INPP5D: variants seen among roughly 807,000 people sequenced by gnomAD.
INPP5D encodes the protein phosphatidylinositol 3,4,5-trisphosphate 5-phosphatase 1.
In INPP5D, 33 loss-of-function variants were observed where a neutral mutation model predicts 122.9. The observed-to-expected ratio is 0.27, with a 90% CI of 0.20 to 0.36. INPP5D has a LOEUF of 0.36. Ranked by LOEUF, INPP5D falls within the 10% of genes least tolerant of loss-of-function variation. The pLI is 1.00. For synonymous variants in INPP5D, 584 were observed against 576.2 expected, an observed-to-expected ratio of 1.01 and a Z score of -0.19; for missense variants, 1,053 against 1,412.7, an observed-to-expected ratio of 0.75 and a Z score of 4.08.
intron 3 of INPP5D, 90 bp downstream of exon 3, chr2:233,122,347 T>C (rs1693013119): frequency 7.4e-7 from 1 of 1,355,500 alleles, no homozygotes; most frequent in Non-Finnish European, 1.0e-6. Context: ...TGAGTCCTAT[T>C]ATCAGAGGGA....
rs138302380 is a variant in INPP5D, at chr2:233,063,384, C to T, written c.134+2772C>T. Among the ~76,000 whole-genome samples the T allele has an allele frequency of 8.0e-3, 1,217 of 152,340 alleles. 19 individuals are homozygous for T. Among genetic ancestry groups the T allele is most frequent in the African/African-American group, 0.027 (1,131 of 41,582 alleles). On this transcript the variant is annotated intron_variant, in intron 1 of 26. Coordinates refer to ENST00000445964, the MANE Select transcript of INPP5D (RefSeq NM_001017915.3). Reference sequence around the variant, plus strand: ...CCCCCTCTGGTGGGCAAGGGGACAACGGCCGGAGTCTCCACCTGATGGTTT... The same window carrying T: ...CCCCCTCTGGTGGGCAAGGGGACAATGGCCGGAGTCTCCACCTGATGGTTT...
intron 5 of INPP5D, among the ~76,000 whole-genome samples, chr2:233,139,022 G>C (rs1693576127): frequency 6.6e-6 from 1 of 151,888 alleles, no homozygotes; most frequent in East Asian, 1.9e-4. Context: ...CTAAAGTGCT[G>C]GGATTACAGG....
intron 9 of INPP5D, among the ~76,000 whole-genome samples, chr2:233,152,449 G>T (rs1693946261): frequency 6.6e-6 from 1 of 152,202 alleles, no homozygotes; most frequent in East Asian, 1.9e-4. Context: ...AGGTGAACCA[G>T]CCAGCCGGGA....
chr2:233,168,018 A>AAAAAAAG (rs1694392529), intron 13 of INPP5D, among the ~76,000 whole-genome samples: 1 of 117,562 alleles, frequency 8.5e-6, no homozygotes, highest in African/African-American at 2.7e-5. Flanking sequence ...AAAAAAAAAA[A>AAAAAAAG]AAAAAAAGAA....
Position 233,109,033 on chromosome 2 carries a change from C to T in INPP5D, c.199-13074C>T, listed in dbSNP as rs544591869. Among the ~76,000 whole-genome samples the T allele has an allele frequency of 5.3e-5, 8 of 151,998 alleles. No individual in the cohort carries two copies. The South Asian group carries it at 1.4e-3, about 28-fold the overall frequency. The stretch of plus-strand genomic sequence containing the variant: ...AGTCATTCCAGAAGCTAAATCAAGC[C>T]ATGGGTTGTGGCAGAAAACAGAAGC... On this transcript the variant is annotated intron_variant, in intron 2 of 26. Coordinates refer to ENST00000445964, the MANE Select transcript of INPP5D (RefSeq NM_001017915.3).
chr2:233,148,746 C>A (rs866477199), intron 9 of INPP5D, among the ~76,000 whole-genome samples: 3 of 152,030 alleles, frequency 2.0e-5, no homozygotes, highest in African/African-American at 7.2e-5. Context: ...CTGATCAATG[C>A]GTAGACCCTT....
At position 233,125,871 on chromosome 2, in the gene INPP5D, G is replaced by A. The variant is rs1231546361; in HGVS notation, c.476G>A (p.Ser159Asn). 5 of 1,613,830 alleles carry A rather than the reference G, an allele frequency of 3.1e-6. No individual in the cohort carries two copies. The East Asian group carries it at 8.9e-5, about 29-fold the overall frequency. The change falls in exon 4 of 27, where the codon AGC becomes AAC. Residue 159 changes from serine to asparagine, a missense_variant. Physicochemically the swap from Ser to Asn is conservative, Grantham distance 46. Coordinates refer to ENST00000445964, the MANE Select transcript of INPP5D (RefSeq NM_001017915.3). ...NPRATETSRP[S>N]LSETLFQRLQ... The stretch of plus-strand genomic sequence containing the variant: ...CGAGCGACCGAGACCAGCCGGCCGA[G>A]CCTCTCCGAGACATTGTTCCAGCGA...
intron 9 of INPP5D, among the ~76,000 whole-genome samples, chr2:233,152,489 T>C (rs1218598677): frequency 6.6e-6 from 1 of 152,118 alleles, no homozygotes; most frequent in African/African-American, 2.4e-5. Context: ...TTCATTCAAA[T>C]CAGGGCAAAG....
chr2:233,133,000 C>T (rs904327269), intron 5 of INPP5D, among the ~76,000 whole-genome samples: 30 of 151,920 alleles, frequency 2.0e-4, no homozygotes, highest in African/African-American at 6.8e-4. Context: ...GTGAGCCTCC[C>T]ACCTCTCAGC....
intron 11 of INPP5D, among the ~76,000 whole-genome samples, chr2:233,163,161 A>G (rs992141101): frequency 2.0e-5 from 3 of 152,204 alleles, no homozygotes; most frequent in African/African-American, 7.2e-5. Flanking sequence ...TGTAGGGAGA[A>G]CCGTTCAAAA....
intron 2 of INPP5D, among the ~76,000 whole-genome samples, chr2:233,106,101 G>A (rs1692461804): frequency 1.3e-5 from 2 of 152,226 alleles, no homozygotes; most frequent in African/African-American, 4.8e-5. Context: ...ATAAGAGGAA[G>A]ACCCCGGGGG....
Position 233,164,435 on chromosome 2 carries a change from C to T in INPP5D, c.1555+11C>T, listed in dbSNP as rs1052223483. On this transcript the variant is annotated intron_variant, in intron 13 of 26. Transcript: ENST00000445964. The surrounding 1 kb of genome is among the most constrained non-coding windows in gnomAD (Gnocchi z 4.3). Reference sequence around the variant, plus strand: ...TTGCAAACACACTGGGTGAGCAGGGCGGGGACCCTGTGTTCCTCCCACACC... The same window carrying T: ...TTGCAAACACACTGGGTGAGCAGGGTGGGGACCCTGTGTTCCTCCCACACC... 3.9e-6 allele frequency: 6 copies of T among 1,540,958 alleles called. No individual in the cohort carries two copies. The highest frequency in any genetic ancestry group is 5.3e-6 in the Non-Finnish European group (6 of 1,140,000).
intron 2 of INPP5D, among the ~76,000 whole-genome samples, chr2:233,093,549 AG>A (rs1378723194): frequency 4.2e-5 from 1 of 23,694 alleles, no homozygotes; most frequent in African/African-American, 2.9e-4. Context: ...CATGGTGGCG[AG>A]TTGCCTATAA....
rs1428161972 is a variant in INPP5D, at chr2:233,146,145, T to C, written c.754-17T>C. On this transcript the variant is annotated splice_polypyrimidine_tract_variant and intron_variant, in intron 6 of 26. Transcript: ENST00000445964. ...GTTCAGTGATGCTGCCCTGATCCTCTTTCCCTCCTCTCCCAGGTTCCTGGT... is the reference window on the plus strand; with the variant it reads ...GTTCAGTGATGCTGCCCTGATCCTCCTTCCCTCCTCTCCCAGGTTCCTGGT... 2 of 704,098 alleles carry C rather than the reference T, an allele frequency of 2.8e-6. No individual in the cohort carries two copies. Among genetic ancestry groups the C allele is most frequent in the African/African-American group, 1.7e-5 (1 of 57,210 alleles). The allele number at this position is 704,098 out of a possible 1,614,324, so 43.6% of individuals were successfully genotyped here.
At chr2:233,149,293 G>T (rs1284058525) in intron 9 of INPP5D, among the ~76,000 whole-genome samples, 4 of 151,974 alleles carry the variant, frequency 2.6e-5, no homozygotes, top group African/African-American at 4.8e-5. Context: ...TAAAGACAGG[G>T]TTTCACCATG....
intron 1 of INPP5D, among the ~76,000 whole-genome samples, chr2:233,069,217 C>T (rs1449042544): frequency 6.6e-6 from 1 of 152,194 alleles, no homozygotes; most frequent in African/African-American, 2.4e-5. Flanking sequence ...CTGTAAACAA[C>T]CCCACGGAGG....
intron 2 of INPP5D, among the ~76,000 whole-genome samples, chr2:233,080,841 G>A (rs1691666022): frequency 6.6e-6 from 1 of 152,210 alleles, no homozygotes; most frequent in Non-Finnish European, 1.5e-5. Context: ...TTATGAGGAT[G>A]GAAGGAATTG....
At chr2:233,191,676 C>T (rs1274536278) in intron 22 of INPP5D, among the ~76,000 whole-genome samples, 1 of 152,176 alleles carries the variant, frequency 6.6e-6, no homozygotes, top group Non-Finnish European at 1.5e-5. Context: ...AGACCATCAG[C>T]AGACTTGGTG....
At chr2:233,074,112 C>G (rs1294385639) in intron 1 of INPP5D, among the ~76,000 whole-genome samples, 2 of 152,132 alleles carry the variant, frequency 1.3e-5, no homozygotes, top group African/African-American at 4.8e-5. Flanking sequence ...TCTTTTCTGA[C>G]AAAGAACTGT....
Sources: allele counts gnomAD v4.1 joint callset (sites outside exome capture counted in the v4.1 genomes callset), GRCh38; gene constraint gnomAD v4.1.1; non-coding constraint Gnocchi (gnomAD v3.1); transcripts MANE v1.5; gene names NCBI Gene and HGNC (gene_info 2026-07-23, HGNC 2026-07-21).